Variants in MACROD2 observed in about 807,000 individuals in gnomAD.
MACROD2 encodes mono-ADP ribosylhydrolase 2, also known as ADP-ribose glycohydrolase MACROD2.
A neutral mutation model predicts 70.4 loss-of-function variants in MACROD2; 36 were observed. That is an observed-to-expected ratio of 0.51 (90% CI 0.39 to 0.68). The LOEUF (loss-of-function observed/expected upper bound fraction) is 0.68, where lower values mean the gene tolerates loss of function less well. Ranked by LOEUF, MACROD2 falls within the 30% of genes least tolerant of loss-of-function variation. The pLI is 0.00. For missense variants in MACROD2, 496 were observed against 538.4 expected, an observed-to-expected ratio of 0.92 and a Z score of 0.78; for synonymous variants, 172 against 178.8, an observed-to-expected ratio of 0.96 and a Z score of 0.30.
chr20:14,098,782 C>G (rs1233219323), intron 3 of MACROD2, among the ~76,000 whole-genome samples: 2 of 152,148 alleles, frequency 1.3e-5, no homozygotes, highest in Non-Finnish European at 2.9e-5. Flanking sequence ...CTACTTGATT[C>G]AGTTTGAAAT....
At chr20:14,368,584 T>C (rs2083294614) in intron 3 of MACROD2, among the ~76,000 whole-genome samples, 1 of 152,062 alleles carries the variant, frequency 6.6e-6, no homozygotes, top group Non-Finnish European at 1.5e-5. Context: ...ATATAAAATA[T>C]GATAACGTAT....
intron 5 of MACROD2, among the ~76,000 whole-genome samples, chr20:15,209,088 G>T (rs1279343638): frequency 6.7e-6 from 1 of 149,256 alleles, no homozygotes; most frequent in Non-Finnish European, 1.5e-5. Flanking sequence ...TCCCTTTCCT[G>T]TGGTGGTGGT....
intron 3 of MACROD2, among the ~76,000 whole-genome samples, chr20:14,291,906 T>G (rs919509122): frequency 6.6e-6 from 1 of 151,842 alleles, no homozygotes; most frequent in African/African-American, 2.4e-5. Flanking sequence ...TTTAGGCAAG[T>G]GGTTCACTAA....
intron 3 of MACROD2, among the ~76,000 whole-genome samples, chr20:14,245,218 C>T (rs1314984869): frequency 1.3e-5 from 2 of 151,986 alleles, no homozygotes; most frequent in African/African-American, 4.8e-5. Context: ...CACAAATCAG[C>T]CGGGCGTGGT....
At chr20:14,555,789 G>T (rs542897190) in intron 4 of MACROD2, among the ~76,000 whole-genome samples, 1 of 152,134 alleles carries the variant, frequency 6.6e-6, no homozygotes, top group South Asian at 2.1e-4. Flanking sequence ...AGGCGCAAAT[G>T]AAAACTCTTC....
intron 1 of MACROD2, chr20:13,996,490 A>T (rs1473230524): frequency 1.3e-5 from 2 of 152,898 alleles, no homozygotes; most frequent in Non-Finnish European, 1.5e-5. Flanking sequence ...TCTGTATTCC[A>T]TCCCCATTCA....
chr20:15,990,378 T>C (rs1474801859), intron 15 of MACROD2, among the ~76,000 whole-genome samples: 2 of 152,224 alleles, frequency 1.3e-5, no homozygotes, highest in South Asian at 2.1e-4. Context: ...TTAGAAATAT[T>C]TGACATAAAA....
At chr20:15,316,370 A>C (rs186019563) in intron 6 of MACROD2, among the ~76,000 whole-genome samples, 1 of 152,174 alleles carries the variant, frequency 6.6e-6, no homozygotes, top group East Asian at 1.9e-4. Flanking sequence ...CCATGCAAGT[A>C]GTAACCAAAA....
At chr20:14,784,552 A>C (rs1405070128) in intron 5 of MACROD2, among the ~76,000 whole-genome samples, 1 of 151,628 alleles carries the variant, frequency 6.6e-6, no homozygotes, top group Admixed American at 6.6e-5. Flanking sequence ...GCTGGCATGC[A>C]ATTACTGTGG....
At chr20:14,878,717 A>C (rs1288795348) in intron 5 of MACROD2, among the ~76,000 whole-genome samples, 5 of 152,154 alleles carry the variant, frequency 3.3e-5, no homozygotes, top group Admixed American at 3.3e-4. Context: ...GGCCGAGTTG[A>C]TAATATGATC....
chr20:15,851,234 G>A (rs2064294640), intron 8 of MACROD2, among the ~76,000 whole-genome samples: 1 of 151,678 alleles, frequency 6.6e-6, no homozygotes, highest in South Asian at 2.1e-4. Context: ...AAGTTGAACT[G>A]TGATCCGGTC....
At chr20:14,540,815 C>T (rs774443624) in intron 4 of MACROD2, among the ~76,000 whole-genome samples, 1 of 152,150 alleles carries the variant, frequency 6.6e-6, no homozygotes, top group Non-Finnish European at 1.5e-5. Flanking sequence ...CTTTTATAAC[C>T]GTGCTCTACA....
chr20:14,308,662 C>T (rs1034859170), intron 3 of MACROD2, among the ~76,000 whole-genome samples: 3 of 151,960 alleles, frequency 2.0e-5, no homozygotes, highest in Admixed American at 6.6e-5. Context: ...AGGAAGTGGC[C>T]GTGTTTGTGT....
chr20:14,852,056 A>T (rs527377518), intron 5 of MACROD2, among the ~76,000 whole-genome samples: 10 of 152,298 alleles, frequency 6.6e-5, no homozygotes, highest in African/African-American at 1.7e-4. Context: ...GACAGGACAG[A>T]TGAGACTTCC....
chr20:15,352,431 G>C (rs1014682), intron 6 of MACROD2, among the ~76,000 whole-genome samples: 1 of 151,870 alleles, frequency 6.6e-6, no homozygotes, highest in African/African-American at 2.4e-5. Context: ...GCTAAAACAC[G>C]TATCAAAATA....
intron 15 of MACROD2, among the ~76,000 whole-genome samples, chr20:16,038,810 A>G (rs751100698): frequency 3.0e-4 from 45 of 152,116 alleles, no homozygotes; most frequent in Middle Eastern, 3.4e-3. Flanking sequence ...CTGTAGAGAT[A>G]ACTTGAGGCT....
chr20:14,890,170 G>T (rs2073735358), intron 5 of MACROD2, among the ~76,000 whole-genome samples: 1 of 152,098 alleles, frequency 6.6e-6, no homozygotes, highest in Non-Finnish European at 1.5e-5. Context: ...AACGTGTCAA[G>T]TGGAAGATAT....
chr20:14,433,437 A>G (rs1358784064), intron 3 of MACROD2, among the ~76,000 whole-genome samples: 1 of 152,206 alleles, frequency 6.6e-6, no homozygotes, highest in East Asian at 1.9e-4. Context: ...TACAGAAAAT[A>G]AAGTGAAAAG....
chr20:14,349,810 T>C (rs1044434601), intron 3 of MACROD2, among the ~76,000 whole-genome samples: 30 of 146,166 alleles, frequency 2.1e-4, no homozygotes, highest in African/African-American at 7.5e-4. Flanking sequence ...CTTATTCTTT[T>C]TTTCTTTTTT....
Sources: allele counts gnomAD v4.1 joint callset (sites outside exome capture counted in the v4.1 genomes callset), GRCh38; gene constraint gnomAD v4.1.1; transcripts MANE v1.5; gene names NCBI Gene and HGNC (gene_info 2026-07-23, HGNC 2026-07-21).